ANKS1B: variants seen among roughly 807,000 people sequenced by gnomAD.
ANKS1B encodes the protein ankyrin repeat and sterile alpha motif domain containing 1B, also known as ankyrin repeat and sterile alpha motif domain-containing protein 1B.
ANKS1B carries 36 observed loss-of-function variants against 148.3 expected under a neutral mutation model. The observed-to-expected ratio is 0.24, with a 90% CI of 0.19 to 0.32. The LOEUF (loss-of-function observed/expected upper bound fraction) is 0.32, where lower values mean the gene tolerates loss of function less well. ANKS1B is among the 10% of genes least tolerant of loss of function. The pLI, the probability that ANKS1B is intolerant of heterozygous loss-of-function variation, is 1.00. For missense variants in ANKS1B, 1,157 were observed against 1,542.6 expected (o/e 0.75, Z 4.19); for synonymous variants, 542 against 560.8 (o/e 0.97, Z 0.47).
intron 12 of ANKS1B, among the ~76,000 whole-genome samples, chr12:99,358,947 C>T (rs1228685966): frequency 6.6e-6 from 1 of 151,962 alleles, no homozygotes; most frequent in East Asian, 1.9e-4. Context: ...ACTGGTACAG[C>T]CATGGGGGAG....
At chr12:98,868,122 A>G (rs559602715) in intron 17 of ANKS1B, among the ~76,000 whole-genome samples, 1 of 152,314 alleles carries the variant, frequency 6.6e-6, no homozygotes, top group South Asian at 2.1e-4. Context: ...GCATTGATTG[A>G]TTAATAAACA....
At chr12:99,929,384 A>G (rs892529755) in intron 1 of ANKS1B, among the ~76,000 whole-genome samples, 6 of 151,864 alleles carry the variant, frequency 4.0e-5, no homozygotes, top group Non-Finnish European at 8.8e-5. Context: ...TTCATTGTAG[A>G]TTCTGGATAT....
intron 9 of ANKS1B, among the ~76,000 whole-genome samples, chr12:99,607,118 A>T (rs2097856759): frequency 6.6e-6 from 1 of 152,118 alleles, no homozygotes; most frequent in Non-Finnish European, 1.5e-5. Context: ...GGATGGGGCC[A>T]TACTGGGCTT....
chr12:99,776,766 G>A (rs371573934), intron 6 of ANKS1B, among the ~76,000 whole-genome samples: 17 of 152,024 alleles, frequency 1.1e-4, no homozygotes, highest in South Asian at 6.2e-4. Flanking sequence ...TGCAACCTCC[G>A]CCTCCCAGGT....
chr12:99,393,894 G>A (rs912087234), intron 12 of ANKS1B, among the ~76,000 whole-genome samples: 2 of 152,016 alleles, frequency 1.3e-5, no homozygotes, highest in Admixed American at 6.5e-5. Context: ...ATATTTCCTT[G>A]CTCTTCAATC....
At chr12:99,557,083 T>A (rs2097284651) in intron 9 of ANKS1B, among the ~76,000 whole-genome samples, 1 of 152,208 alleles carries the variant, frequency 6.6e-6, no homozygotes, top group African/African-American at 2.4e-5. Flanking sequence ...CTGTCCCTTT[T>A]CTCTAGCTGC....
chr12:99,607,186 A>G (rs2097857234), intron 9 of ANKS1B, among the ~76,000 whole-genome samples: 1 of 151,990 alleles, frequency 6.6e-6, no homozygotes, highest in East Asian at 1.9e-4. Context: ...CATGTCCTAG[A>G]CTTCACCATA....
chr12:99,387,317 G>A (rs892217658), intron 12 of ANKS1B, among the ~76,000 whole-genome samples: 1 of 152,286 alleles, frequency 6.6e-6, no homozygotes, highest in East Asian at 1.9e-4. Context: ...GGCGATTAGT[G>A]CCCTTATTAA....
At chr12:98,794,392 CAAAAAAAAAAA>C (rs571692746) in intron 22 of ANKS1B, 4,281 of 84,160 alleles carry the variant, frequency 0.051, 237 homozygotes, top group African/African-American at 0.26. Context: ...AACTCTGTCT[CAAAAAAAAAAA>C]AAAAAAAAAA....
intron 1 of ANKS1B, among the ~76,000 whole-genome samples, chr12:99,869,865 A>G (rs2091272885): frequency 6.6e-6 from 1 of 152,204 alleles, no homozygotes; most frequent in African/African-American, 2.4e-5. Flanking sequence ...GTTTACATAA[A>G]TGAATAACTC....
chr12:99,796,264 T>G (rs890879346), intron 4 of ANKS1B, among the ~76,000 whole-genome samples: 1 of 151,994 alleles, frequency 6.6e-6, no homozygotes, highest in Non-Finnish European at 1.5e-5. Context: ...AGAGTTTTCA[T>G]CATGCTACTC....
In ANKS1B at chr12:99,178,773, T is replaced by A. The variant is rs556190253; in HGVS notation, c.2420-24378A>T. On this transcript the variant is annotated intron_variant, in intron 14 of 26. Transcript: ENST00000683438. Reference sequence around the variant, plus strand: ...ACTTAAGACCATTCATGTAATAAGATAACAAAAATAACAATATTTTTGTAG... The same window carrying A: ...ACTTAAGACCATTCATGTAATAAGAAAACAAAAATAACAATATTTTTGTAG... Among the ~76,000 whole-genome samples the A allele has an allele frequency of 1.1e-3, 170 of 152,296 alleles. 1 individual carries two copies. The highest frequency in any genetic ancestry group is 3.9e-3 in the African/African-American group (161 of 41,574).
chr12:99,938,573 T>C (rs948671863), intron 1 of ANKS1B, among the ~76,000 whole-genome samples: 15 of 152,292 alleles, frequency 9.8e-5, no homozygotes, highest in African/African-American at 2.4e-4. Flanking sequence ...GTTGCTAACA[T>C]ATCATAAGAG....
At chr12:99,543,649 A>G (rs1161091680) in intron 9 of ANKS1B, among the ~76,000 whole-genome samples, 1 of 152,190 alleles carries the variant, frequency 6.6e-6, no homozygotes, top group African/African-American at 2.4e-5. Context: ...AAGTACTGAT[A>G]TATTTTACTA....
At chr12:98,980,692 A>C (rs997432797) in intron 17 of ANKS1B, among the ~76,000 whole-genome samples, 2 of 152,212 alleles carry the variant, frequency 1.3e-5, no homozygotes, top group Non-Finnish European at 2.9e-5. Flanking sequence ...TTCCTTAAAA[A>C]ATATTAATTT....
At chr12:99,825,278 A>G in intron 2 of ANKS1B, 31 bp downstream of exon 2, 1 of 1,568,592 alleles carries the variant, frequency 6.4e-7, no homozygotes, top group South Asian at 1.1e-5. Flanking sequence ...AACTAAATAC[A>G]CACGATTCCG....
intron 9 of ANKS1B, among the ~76,000 whole-genome samples, chr12:99,545,780 TTATA>T (rs35241137): frequency 0.086 from 12,644 of 146,254 alleles, 747 homozygotes; most frequent in East Asian, 0.24. Flanking sequence ...CATATATAAA[TTATA>T]TATATATATA....
chr12:99,534,710 CTTTT>C (rs143251962), intron 9 of ANKS1B, among the ~76,000 whole-genome samples: 3 of 123,824 alleles, frequency 2.4e-5, no homozygotes, highest in Non-Finnish European at 5.0e-5. Context: ...TTTTTCTTTT[CTTTT>C]TTTTTTTTTT....
chr12:99,898,530 C>T (rs1490943410), intron 1 of ANKS1B, among the ~76,000 whole-genome samples: 1 of 152,178 alleles, frequency 6.6e-6, no homozygotes, highest in Non-Finnish European at 1.5e-5. Context: ...GATCCTGTGT[C>T]TTTGGTTTAA....
Sources: gnomAD v4.1 joint callset for allele counts (sites outside exome capture counted in the v4.1 genomes callset) on GRCh38, gnomAD v4.1.1 for gene constraint, MANE v1.5 for transcripts, NCBI Gene and HGNC (gene_info 2026-07-23, HGNC 2026-07-21) for gene names.